AMPH: variants seen among roughly 807,000 people sequenced by gnomAD.
The protein encoded by AMPH is amphiphysin (Stiff-Mann syndrome with breast cancer 128kD autoantigen).
Under a neutral mutation model 99.1 loss-of-function variants are expected in AMPH, and 49 were observed. The ratio of observed to expected loss-of-function variants is 0.49; its 90% CI spans 0.39 to 0.63. The LOEUF is 0.63. AMPH is among the 20% of genes least tolerant of loss of function. The pLI is 0.00. For synonymous variants in AMPH, 314 were observed against 317.3 expected (o/e 0.99, Z 0.11); for missense variants, 759 against 863.4 (o/e 0.88, Z 1.52).
At chr7:38,415,558 T>C (rs2893559) in intron 17 of AMPH, among the ~76,000 whole-genome samples, 33,993 of 152,114 alleles carry the variant, frequency 0.22, 4,040 homozygotes, top group Middle Eastern at 0.31. Context: ...GAAGAAGCTA[T>C]AAATCTACTT....
chr7:38,433,113 G>C (rs1786102538), intron 12 of AMPH, among the ~76,000 whole-genome samples: 1 of 152,194 alleles, frequency 6.6e-6, no homozygotes, highest in Non-Finnish European at 1.5e-5. Context: ...AAACTAGAGA[G>C]CCTGGCATTG....
chr7:38,444,648 A>G (rs1786687312), intron 11 of AMPH, among the ~76,000 whole-genome samples: 1 of 152,146 alleles, frequency 6.6e-6, no homozygotes, highest in Non-Finnish European at 1.5e-5. Flanking sequence ...CAGAGAGAGC[A>G]TGTCCCTACT....
chr7:38,392,070 T>G, intron 18 of AMPH, 53 bp from the exon 19 acceptor site: 1 of 1,575,448 alleles, frequency 6.3e-7, no homozygotes, highest in Non-Finnish European at 8.6e-7. Context: ...AAACAGAACC[T>G]CCTTGTCCTG....
intron 5 of AMPH, among the ~76,000 whole-genome samples, chr7:38,487,839 C>A (rs185673916): frequency 5.3e-3 from 814 of 152,204 alleles, no homozygotes; most frequent in Non-Finnish European, 8.8e-3. Flanking sequence ...AGAAACCAAA[C>A]GACCCCATCA....
chr7:38,437,639 A>AAAG (rs1554336209), intron 11 of AMPH, among the ~76,000 whole-genome samples: 6 of 96,738 alleles, frequency 6.2e-5, no homozygotes, highest in African/African-American at 1.8e-4. Flanking sequence ...AAAAAAAAAA[A>AAAG]AAAAGAAAAG....
intron 1 of AMPH, among the ~76,000 whole-genome samples, chr7:38,567,923 A>G (rs933895362): frequency 6.6e-6 from 1 of 152,150 alleles, no homozygotes; most frequent in Non-Finnish European, 1.5e-5. Flanking sequence ...GTAACAATAT[A>G]CCAAGTATGA....
At chr7:38,471,108 T>C (rs563062091) in intron 7 of AMPH, among the ~76,000 whole-genome samples, 1 of 152,318 alleles carries the variant, frequency 6.6e-6, no homozygotes, top group Admixed American at 6.5e-5. Flanking sequence ...ATTTGTTGAA[T>C]GCATGATAAA....
intron 11 of AMPH, among the ~76,000 whole-genome samples, chr7:38,460,550 T>A (rs1364857373): frequency 2.0e-5 from 3 of 152,116 alleles, no homozygotes; most frequent in Admixed American, 6.5e-5. Flanking sequence ...TTGTTTGCAA[T>A]AACATGGATG....
intron 1 of AMPH, among the ~76,000 whole-genome samples, chr7:38,556,205 C>A (rs116342789): frequency 6.6e-6 from 1 of 152,128 alleles, no homozygotes; most frequent in African/African-American, 2.4e-5. Flanking sequence ...AACAAAACAG[C>A]CTTGAAAAGA....
chr7:38,558,178 G>C (rs879676929), intron 1 of AMPH, among the ~76,000 whole-genome samples: 3 of 152,150 alleles, frequency 2.0e-5, no homozygotes, highest in Non-Finnish European at 2.9e-5. Context: ...GAATCTTCCT[G>C]AACACTCTAA....
chr7:38,626,139 G>T (rs1488850179), intron 1 of AMPH, among the ~76,000 whole-genome samples: 1 of 151,944 alleles, frequency 6.6e-6, no homozygotes, highest in East Asian at 1.9e-4. Context: ...GGGGAACAGG[G>T]GACTGTTATT....
Position 38,583,478 on chromosome 7 carries a change from C to T in AMPH, c.69+47805G>A, listed in dbSNP as rs544308785. Among the ~76,000 whole-genome samples the T allele has an allele frequency of 1.2e-4, 18 of 152,240 alleles. No individual in the cohort carries two copies. The South Asian group carries it at 3.1e-3, about 26-fold the overall frequency. On this transcript the variant is annotated intron_variant, in intron 1 of 20. Transcript: ENST00000356264. ...TAAACTTGAAATAATAATATGAAAA[C>T]ACTTGTTCAAAGCAAGAGAGAATAA...
chr7:38,588,793 C>T (rs1792755691), intron 1 of AMPH, among the ~76,000 whole-genome samples: 1 of 151,976 alleles, frequency 6.6e-6, no homozygotes, highest in African/African-American at 2.4e-5. Flanking sequence ...ATTATTACTT[C>T]CAAACTATCA....
At chr7:38,485,277 A>C (rs112571866) in intron 5 of AMPH, among the ~76,000 whole-genome samples, 9 of 152,090 alleles carry the variant, frequency 5.9e-5, no homozygotes, top group African/African-American at 2.2e-4. Flanking sequence ...AAATAAAGAG[A>C]TGCAAAAAGA....
chr7:38,417,386 A>G lies in AMPH; in HGVS notation c.1398+439T>C, dbSNP rs530119944. ...CCTTACAGATTCATGGAGTTGTGATATGGGATTTCAACACCTCATTGGACC... is the reference window on the plus strand; with the variant it reads ...CCTTACAGATTCATGGAGTTGTGATGTGGGATTTCAACACCTCATTGGACC... On this transcript the variant is annotated intron_variant, in intron 17 of 20. Transcript: ENST00000356264. 4.6e-5 allele frequency among the ~76,000 whole-genome samples: 7 copies of G among 152,358 alleles called. No individual in the cohort carries two copies. The South Asian group carries it at 1.2e-3, about 27-fold the overall frequency.
chr7:38,520,566 T>C (rs1315649863), intron 2 of AMPH, among the ~76,000 whole-genome samples: 3 of 152,130 alleles, frequency 2.0e-5, no homozygotes, highest in African/African-American at 2.4e-5. Flanking sequence ...TATTTTACAA[T>C]TGAATGAGAA....
intron 2 of AMPH, among the ~76,000 whole-genome samples, chr7:38,530,212 C>T (rs888054950): frequency 1.3e-5 from 2 of 152,192 alleles, no homozygotes; most frequent in South Asian, 2.1e-4. Context: ...AAAACAGGAT[C>T]GCTGTGTCCA....
At chr7:38,452,539 CAT>C (rs1466788117) in intron 11 of AMPH, among the ~76,000 whole-genome samples, 1 of 152,204 alleles carries the variant, frequency 6.6e-6, no homozygotes, top group African/African-American at 2.4e-5. Context: ...TATAAGCACT[CAT>C]GTGTATGTGT....
intron 1 of AMPH, among the ~76,000 whole-genome samples, chr7:38,572,044 T>C (rs1223185330): frequency 6.6e-6 from 1 of 152,190 alleles, no homozygotes; most frequent in African/African-American, 2.4e-5. Flanking sequence ...TAGCTGGGAT[T>C]ACAGGCATGT....
Sources: gnomAD v4.1 joint callset for allele counts (sites outside exome capture counted in the v4.1 genomes callset) on GRCh38, gnomAD v4.1.1 for gene constraint, MANE v1.5 for transcripts, NCBI Gene and HGNC (gene_info 2026-07-23, HGNC 2026-07-21) for gene names.